The following THADA variants were observed in gnomAD, a reference collection of about 807,000 sequenced individuals.
THADA encodes tRNA (32-2'-O)-methyltransferase regulator THADA.
A neutral mutation model predicts 219.8 loss-of-function variants in THADA; 213 were observed. The observed-to-expected ratio is 0.97, with a 90% CI of 0.87 to 1.09. THADA has a LOEUF of 1.09. Among genes scored for constraint, THADA ranks in the 50% least tolerant of loss-of-function variants. The pLI is 0.00. For missense variants in THADA, 2,956 were observed against 2,311.3 expected, an observed-to-expected ratio of 1.28 and a Z score of -5.72; for synonymous variants, 1,018 against 828.9, an observed-to-expected ratio of 1.23 and a Z score of -3.92.
chr2:43,248,209 A>G (rs112592074), intron 36 of THADA, among the ~76,000 whole-genome samples: 2,498 of 128,184 alleles, frequency 0.019, 11 homozygotes, highest in East Asian at 0.059. Flanking sequence ...AGAGAGAGAG[A>G]GAGAGACAGA....
chr2:43,296,774 G>A (rs1334792247), intron 31 of THADA, among the ~76,000 whole-genome samples: 1 of 152,160 alleles, frequency 6.6e-6, no homozygotes, highest in Non-Finnish European at 1.5e-5. Context: ...ACATTCAAAA[G>A]GAATTTCATT....
intron 31 of THADA, among the ~76,000 whole-genome samples, chr2:43,298,000 G>T (rs1460675841): frequency 9.6e-6 from 1 of 104,574 alleles, no homozygotes; most frequent in Non-Finnish European, 1.9e-5. Context: ...GAGGGAGTGT[G>T]GGGGGGGTCA....
intron 35 of THADA, among the ~76,000 whole-genome samples, chr2:43,284,093 C>T (rs372441719): frequency 6.6e-5 from 10 of 152,142 alleles, no homozygotes; most frequent in African/African-American, 1.2e-4. Context: ...GCAGGAGAAT[C>T]GCTCAAACCC....
intron 26 of THADA, among the ~76,000 whole-genome samples, chr2:43,443,074 T>C (rs140267551): frequency 0.016 from 2,451 of 152,280 alleles, 31 homozygotes; most frequent in Non-Finnish European, 0.027. Context: ...ATGTCATACA[T>C]GAAACTTCCT....
rs2104032371 is a variant in THADA at position 43,574,910 on chromosome 2, A to C, written c.1155T>G (p.Asn385Lys). Residue 385 changes from asparagine to lysine, a missense_variant, in exon 11 of 38, where the codon AAT becomes AAG. By Grantham distance (94) the Asn-to-Lys change is moderately conservative (BLOSUM62 0). Coordinates refer to ENST00000405975, the MANE Select transcript of THADA (RefSeq NM_022065.5). ...SPSLTDSLNG[N>K]SSIVGRLLEY... ...CCAAAAGTCTCCCAACTATACTTGA[A>C]TTCCCATTCAGGCTGTCCGTTAGGC... 1.2e-6 allele frequency: 2 copies of C among 1,614,002 alleles called. No individual in the cohort carries two copies. The highest frequency in any genetic ancestry group is 1.7e-4 in the Middle Eastern group (1 of 6,060).
At chr2:43,501,139 C>G (rs71420054) in intron 24 of THADA, among the ~76,000 whole-genome samples, 4 of 151,428 alleles carry the variant, frequency 2.6e-5, no homozygotes, top group Admixed American at 6.6e-5. Flanking sequence ...AATCCTGTCT[C>G]TACTAAAAAT....
At chr2:43,354,897 G>T (rs530315290) in intron 29 of THADA, among the ~76,000 whole-genome samples, 1 of 151,942 alleles carries the variant, frequency 6.6e-6, no homozygotes, top group East Asian at 1.9e-4. Flanking sequence ...GAGTTCTCAC[G>T]AGACCTGATG....
intron 29 of THADA, among the ~76,000 whole-genome samples, chr2:43,394,920 C>G (rs1167281628): frequency 4.6e-5 from 7 of 152,244 alleles, no homozygotes; most frequent in Non-Finnish European, 8.8e-5. Context: ...GCAACAGCCA[C>G]AACAACCCCA....
At chr2:43,484,268 A>C (rs1686614470) in intron 26 of THADA, 1 of 166,502 alleles carries the variant, frequency 6.0e-6, no homozygotes, top group South Asian at 2.1e-4. Flanking sequence ...TCACTAGTAC[A>C]TCACAAAATG....
rs1386149447 is a variant in THADA at position 43,551,793 on chromosome 2, A to G, written c.2943T>C (p.Asp981=). The change falls in exon 19 of 38, where the codon GAT becomes GAC. Residue 981 remains aspartate (D), a synonymous_variant. Transcript: ENST00000405975. ...CGGCCTTCTTCATTTGCTAACCTGA[A>G]TCAGTGTCCATTGGGATGAGGCCTT... ...SPEGLIPMDT[D]SESASRLQMI... The G allele has an allele frequency of 1.2e-6, 2 of 1,612,482 alleles. No homozygotes were observed. The highest frequency in any genetic ancestry group is 2.2e-5 in the South Asian group (2 of 90,764).
chr2:43,339,112 T>C (rs984201545), intron 30 of THADA, among the ~76,000 whole-genome samples: 1 of 152,196 alleles, frequency 6.6e-6, no homozygotes, highest in Non-Finnish European at 1.5e-5. Context: ...ATAATAGTGA[T>C]TTATGGATTG....
At chr2:43,448,136 T>G (rs1681819978) in intron 26 of THADA, among the ~76,000 whole-genome samples, 1 of 152,212 alleles carries the variant, frequency 6.6e-6, no homozygotes, top group Admixed American at 6.5e-5. Flanking sequence ...TCTCGAAAGA[T>G]GACTAAGTAG....
chr2:43,247,454 G>A (rs1319539081), intron 36 of THADA, among the ~76,000 whole-genome samples: 3 of 152,130 alleles, frequency 2.0e-5, no homozygotes, highest in Admixed American at 1.3e-4. Context: ...ATTAAAGGCT[G>A]GGCACGGCCG....
intron 31 of THADA, among the ~76,000 whole-genome samples, chr2:43,302,571 T>G (rs1024107636): frequency 3.3e-5 from 5 of 152,112 alleles, no homozygotes; most frequent in Admixed American, 1.3e-4. Context: ...CCTGGTTTCC[T>G]GGAGAAGTAA....
chr2:43,376,141 T>C (rs1258260512), intron 29 of THADA, among the ~76,000 whole-genome samples: 3 of 152,320 alleles, frequency 2.0e-5, no homozygotes, highest in African/African-American at 7.2e-5. Context: ...CTCTCTTCTA[T>C]TTTATTAGGT....
At chr2:43,441,481 T>C (rs1445018394) in intron 26 of THADA, among the ~76,000 whole-genome samples, 1 of 152,186 alleles carries the variant, frequency 6.6e-6, no homozygotes, top group Non-Finnish European at 1.5e-5. Flanking sequence ...TCTCAATAGG[T>C]AGAGGGTAGG....
At chr2:43,300,850 T>C (rs1414093626) in intron 31 of THADA, among the ~76,000 whole-genome samples, 1 of 152,200 alleles carries the variant, frequency 6.6e-6, no homozygotes, top group African/African-American at 2.4e-5. Flanking sequence ...CCGAAGGGCT[T>C]GTGAAACCAC....
intron 4 of THADA, 118 bp from the exon 5 acceptor site, chr2:43,587,120 A>G: frequency 9.3e-7 from 1 of 1,070,362 alleles, no homozygotes; most frequent in Non-Finnish European, 1.3e-6. Context: ...ATACAGCCAG[A>G]AAACTACAAC....
chr2:43,389,380 G>C (rs1371687861), intron 29 of THADA, among the ~76,000 whole-genome samples: 1 of 152,128 alleles, frequency 6.6e-6, no homozygotes, highest in Non-Finnish European at 1.5e-5. Context: ...ATCTACTCTG[G>C]AGGCTGAGGC....
Sources: allele counts gnomAD v4.1 joint callset (sites outside exome capture counted in the v4.1 genomes callset), GRCh38; gene constraint gnomAD v4.1.1; transcripts MANE v1.5; gene names NCBI Gene and HGNC (gene_info 2026-07-23, HGNC 2026-07-21).